ISG20: variants seen among roughly 807,000 people sequenced by gnomAD.
ISG20 encodes the protein interferon-stimulated gene 20 kDa protein.
Under a neutral mutation model 11.1 loss-of-function variants are expected in ISG20, and 8 were observed. The ratio of observed to expected loss-of-function variants is 0.72; its 90% CI spans 0.42 to 1.30. The LOEUF (loss-of-function observed/expected upper bound fraction) is 1.30, where lower values mean the gene tolerates loss of function less well. Among genes scored for constraint, ISG20 ranks in the 50% most tolerant of loss-of-function variants. The pLI is 0.01. For synonymous variants in ISG20, 110 were observed against 101.7 expected (o/e 1.08, Z -0.49); for missense variants, 243 against 250.2 (o/e 0.97, Z 0.19).
intron 2 of ISG20, among the ~76,000 whole-genome samples, chr15:88,644,643 T>C (rs2058140107): frequency 6.7e-6 from 1 of 149,874 alleles, no homozygotes; most frequent in South Asian, 2.1e-4. Context: ...GAAGAAAACG[T>C]TAGGAAAGGA....
upstream of ISG20, among the ~76,000 whole-genome samples, chr15:88,636,932 G>A (rs2057993734): frequency 6.6e-6 from 1 of 152,230 alleles, no homozygotes; most frequent in African/African-American, 2.4e-5. Context: ...CCTTTCAAGA[G>A]TAAGGGGACA....
chr15:88,650,133 A>C lies in ISG20; in HGVS notation c.229-1977A>C. 3 of 945,476 alleles carry C rather than the reference A, an allele frequency of 3.2e-6. No individual in the cohort carries two copies. Among genetic ancestry groups the C allele is most frequent in the Non-Finnish European group, 4.9e-6 (3 of 609,412 alleles). The allele number at this position is 945,476 out of a possible 1,614,324, so 58.6% of individuals were successfully genotyped here. A position where few individuals can be genotyped will look rare whatever the true frequency, so the allele number is the denominator to read the frequency against. The stretch of plus-strand genomic sequence containing the variant: ...CAGGCTAAGGTCGTGGGCTACATGC[A>C]GAGAAGGAGACGAAGGCTGTCCTAG... On this transcript the variant is annotated intron_variant, in intron 2 of 3. Coordinates refer to ENST00000306072, the MANE Select transcript of ISG20 (RefSeq NM_002201.6). The surrounding 1 kb of genome is among the most constrained non-coding windows in gnomAD (Gnocchi z 4.0).
chr15:88,638,444 C>T (rs903460257), upstream of ISG20, among the ~76,000 whole-genome samples: 1 of 152,216 alleles, frequency 6.6e-6, no homozygotes, highest in African/African-American at 2.4e-5. Context: ...GTCAGCCCCA[C>T]TGGAGGCAGA....
chr15:88,649,915 G>A (rs139211390), intron 2 of ISG20: 357 of 369,806 alleles, frequency 9.7e-4, no homozygotes, highest in Non-Finnish European at 1.6e-3. Context: ...TGTTGACAGT[G>A]GATGGACAGA....
rs1324170653 is a variant in ISG20, at chr15:88,643,015, G to C, written c.228+3421G>C. ...AGTGCAGAAGGATGGCTTGAGCCCA[G>C]GAGTTTGAGACCAGCCTGGGCAAGA... On this transcript the variant is annotated intron_variant, in intron 2 of 3. Coordinates refer to ENST00000306072, the MANE Select transcript of ISG20 (RefSeq NM_002201.6). This position sits in a 1 kb window ranked among gnomAD's most constrained non-coding sequence, Gnocchi z 4.4. Among the ~76,000 whole-genome samples the C allele has an allele frequency of 2.6e-5, 4 of 152,096 alleles. No homozygotes were observed. The highest frequency in any genetic ancestry group is 5.9e-5 in the Non-Finnish European group (4 of 68,026).
At chr15:88,644,137 A>G (rs2058128371) in intron 2 of ISG20, among the ~76,000 whole-genome samples, 1 of 152,174 alleles carries the variant, frequency 6.6e-6, no homozygotes, top group Non-Finnish European at 1.5e-5. Flanking sequence ...ATAGGGAGCC[A>G]TTGAAGATTC....
chr15:88,651,120 C>A, intron 2 of ISG20: 1 of 834,134 alleles, frequency 1.2e-6, no homozygotes, highest in Non-Finnish European at 1.4e-6. Flanking sequence ...GTCATACAGG[C>A]CAGCCCATAT....
chr15:88,647,239 C>CCT (rs2058193145), intron 2 of ISG20: 11 of 152,196 alleles, frequency 7.2e-5, no homozygotes, highest in African/African-American at 2.7e-4. Flanking sequence ...AGTGGGACCC[C>CCT]CCCCCCACTC....
chr15:88,640,426 AG>A (rs2141388597), intron 2 of ISG20, among the ~76,000 whole-genome samples: 1 of 152,296 alleles, frequency 6.6e-6, no homozygotes, highest in African/African-American at 2.4e-5. Flanking sequence ...GCCATTCCTG[AG>A]CTCATTCACT....
chr15:88,651,879 G>C (rs2058280009), intron 2 of ISG20: 17 of 1,388,920 alleles, frequency 1.2e-5, no homozygotes, highest in Non-Finnish European at 1.6e-5. Context: ...ACACAGTTCA[G>C]CTCCTGAAGG....
At chr15:88,636,333 T>C (rs1019673130), upstream of ISG20, 1 of 152,116 alleles carries the variant, frequency 6.6e-6, no homozygotes, top group African/African-American at 2.4e-5. Flanking sequence ...GGGGTCGGGC[T>C]TCTCTCTGGG....
rs1389332417 is a variant in ISG20, at chr15:88,639,804, T to C, written c.228+210T>C. 1.3e-4 allele frequency among the ~76,000 whole-genome samples: 20 copies of C among 152,184 alleles called. No homozygotes were observed. The highest frequency in any genetic ancestry group is 1.3e-3 in the Admixed American group (20 of 15,284). On this transcript the variant is annotated intron_variant, in intron 2 of 3. Transcript: ENST00000306072. The surrounding 1 kb of genome is among the most constrained non-coding windows in gnomAD (Gnocchi z 4.2). ...ATAGACTCACATCTGGAAGCCGCCT[T>C]TGGGGCATCTATCTGGATCTGGTCC... is the stretch of plus-strand genomic sequence containing the variant.
intron 2 of ISG20, among the ~76,000 whole-genome samples, chr15:88,646,691 C>T (rs1336735103): frequency 1.3e-5 from 2 of 152,188 alleles, no homozygotes; most frequent in Non-Finnish European, 2.9e-5. Flanking sequence ...GCCTAACAGC[C>T]CTTTTATGAG....
chr15:88,648,247 G>T (rs2058212185), intron 2 of ISG20: 1 of 152,288 alleles, frequency 6.6e-6, no homozygotes, highest in African/African-American at 2.4e-5. Flanking sequence ...GGTAGAGGCA[G>T]CAGGCTCTGG....
intron 3 of ISG20, 25 bp downstream of exon 3, chr15:88,652,335 T>TCCTCCCCCCC (rs2058288593): frequency 6.8e-7 from 1 of 1,469,940 alleles, no homozygotes; most frequent in Non-Finnish European, 9.2e-7. Context: ...GTCCTTCTCC[T>TCCTCCCCCCC]CCTCCCCCCT....
At chr15:88,653,228 C>T (rs1428842737) in intron 3 of ISG20, among the ~76,000 whole-genome samples, 1 of 152,150 alleles carries the variant, frequency 6.6e-6, no homozygotes, top group Non-Finnish European at 1.5e-5. Flanking sequence ...ACCAGATCAT[C>T]AGCACACATG....
Position 88,650,632 on chromosome 15 carries a change from G to A in ISG20, c.229-1478G>A. 2 of 388,700 alleles carry A rather than the reference G, an allele frequency of 5.1e-6. No homozygotes were observed. Among genetic ancestry groups the A allele is most frequent in the Non-Finnish European group, 9.2e-6 (2 of 217,258 alleles). 24.1% of individuals were successfully genotyped at this position (388,700 alleles called of 1,614,324 possible). ...AGGCCGTCAGTTAAGGCACCTTGAA[G>A]GCTGGGGGCTGGAACCATTGGAAGG... On this transcript the variant is annotated intron_variant, in intron 2 of 3. Transcript: ENST00000306072. This position sits in a 1 kb window ranked among gnomAD's most constrained non-coding sequence, Gnocchi z 4.0.
chr15:88,652,060 C>T lies in ISG20; in HGVS notation c.229-50C>T, dbSNP rs773162950. ...TGCTCCCTTGCCAGCCCCAGCCCCA[C>T]CCAGAAGATGCTGGGTCATGTAGGG... On this transcript the variant is annotated intron_variant, in intron 2 of 3. Coordinates refer to ENST00000306072, the MANE Select transcript of ISG20 (RefSeq NM_002201.6). 8 of 1,610,786 alleles carry T rather than the reference C, an allele frequency of 5.0e-6. 1 individual carries two copies. The South Asian group carries it at 8.8e-5, about 18-fold the overall frequency.
Position 88,650,316 on chromosome 15 carries a change from A to G in ISG20, c.229-1794A>G, listed in dbSNP as rs1461392738. ...GTGACCAGAGCAGGGCAGGCTGTCC[A>G]TGTGGGAGGCGAGGCGAGGAACGCG... is the stretch of plus-strand genomic sequence containing the variant. On this transcript the variant is annotated intron_variant, in intron 2 of 3. Transcript: ENST00000306072. This position sits in a 1 kb window ranked among gnomAD's most constrained non-coding sequence, Gnocchi z 4.0. The G allele has an allele frequency of 8.5e-6, 13 of 1,535,488 alleles. No individual in the cohort carries two copies. The highest frequency in any genetic ancestry group is 1.0e-5 in the Non-Finnish European group (12 of 1,146,864).
Sources: allele counts gnomAD v4.1 joint callset (sites outside exome capture counted in the v4.1 genomes callset), GRCh38; gene constraint gnomAD v4.1.1; non-coding constraint Gnocchi (gnomAD v3.1); transcripts MANE v1.5; gene names NCBI Gene and HGNC (gene_info 2026-07-23, HGNC 2026-07-21).